GLDC: variants seen among roughly 807,000 people sequenced by gnomAD.
The protein encoded by GLDC is glycine decarboxylase, also known as glycine dehydrogenase (decarboxylating), mitochondrial.
A neutral mutation model predicts 121.3 loss-of-function variants in GLDC; 104 were observed. The observed-to-expected ratio is 0.86, with a 90% CI of 0.73 to 1.01. The LOEUF (loss-of-function observed/expected upper bound fraction) is 1.01, where lower values mean the gene tolerates loss of function less well. GLDC is among the 50% of genes least tolerant of loss of function. The pLI, the probability that GLDC is intolerant of heterozygous loss-of-function variation, is 0.00. For missense variants in GLDC, 1,429 were observed against 1,306.6 expected, an observed-to-expected ratio of 1.09 and a Z score of -1.44; for synonymous variants, 546 against 480.6, an observed-to-expected ratio of 1.14 and a Z score of -1.78.
chr9:6,586,612 T>C (rs1342675781), intron 15 of GLDC, among the ~76,000 whole-genome samples: 1 of 152,216 alleles, frequency 6.6e-6, no homozygotes, highest in Non-Finnish European at 1.5e-5. Context: ...CTTCTTCTTA[T>C]GCTGTGTCAC....
intron 15 of GLDC, among the ~76,000 whole-genome samples, chr9:6,581,794 A>G (rs543681109): frequency 2.6e-5 from 4 of 152,352 alleles, no homozygotes; most frequent in African/African-American, 7.2e-5. Context: ...ATGCTAGATA[A>G]GGTGCAAATC....
intron 2 of GLDC, among the ~76,000 whole-genome samples, chr9:6,629,263 G>A (rs568559676): frequency 1.3e-5 from 2 of 149,780 alleles, no homozygotes; most frequent in African/African-American, 4.9e-5. Flanking sequence ...TGCCCAGGTT[G>A]GAGTGCAATG....
intron 2 of GLDC, among the ~76,000 whole-genome samples, chr9:6,632,562 C>G (rs1421228968): frequency 6.6e-6 from 1 of 152,188 alleles, no homozygotes; most frequent in Non-Finnish European, 1.5e-5. Context: ...ATAACTGAGA[C>G]TTGTTTAAGC....
Position 6,629,929 on chromosome 9 carries a change from C to CCA in GLDC, c.335-9611_335-9610insTG. On this transcript the variant is annotated intron_variant, in intron 2 of 24. Coordinates refer to ENST00000321612, the MANE Select transcript of GLDC (RefSeq NM_000170.3). ...ATGTGGGAGGGAGGCTTGCTTTTCA[C>CCA]TATATATATATATATGTATATATAT... Among the ~76,000 whole-genome samples, 2 of 102,150 alleles carry CCA rather than the reference C, an allele frequency of 2.0e-5. 1 individual carries two copies. Among genetic ancestry groups the CCA allele is most frequent in the East Asian group, 5.3e-4 (2 of 3,756 alleles). 67.0% of individuals were successfully genotyped at this position (102,150 alleles called of 152,430 possible). A position where few individuals can be genotyped will look rare whatever the true frequency, so the allele number is the denominator to read the frequency against.
At chr9:6,618,600 C>T (rs1339356882) in intron 3 of GLDC, among the ~76,000 whole-genome samples, 3 of 152,180 alleles carry the variant, frequency 2.0e-5, no homozygotes, top group Non-Finnish European at 4.4e-5. Context: ...AGCCACCATG[C>T]CTGGCCTTTT....
At chr9:6,606,012 A>G (rs1387411395) in intron 5 of GLDC, 1 of 158,458 alleles carries the variant, frequency 6.3e-6, no homozygotes, top group African/African-American at 2.4e-5. Flanking sequence ...TTTCTACAAA[A>G]AGAAAACAAA....
At chr9:6,622,161 C>CAG (rs1819112630) in intron 2 of GLDC, among the ~76,000 whole-genome samples, 1 of 100,940 alleles carries the variant, frequency 9.9e-6, no homozygotes, top group Admixed American at 1.0e-4. Flanking sequence ...CACACACAGA[C>CAG]ACACACACAC....
intron 15 of GLDC, among the ~76,000 whole-genome samples, chr9:6,575,357 C>A (rs1371082292): frequency 6.6e-6 from 1 of 152,212 alleles, no homozygotes; most frequent in Non-Finnish European, 1.5e-5. Flanking sequence ...GCAGCCAGGT[C>A]CAAGAACCTC....
chr9:6,557,245 G>A (rs1161272059), intron 17 of GLDC, among the ~76,000 whole-genome samples: 1 of 151,924 alleles, frequency 6.6e-6, no homozygotes. Context: ...TACATTTGAT[G>A]TATAGAAACA....
intron 15 of GLDC, chr9:6,585,197 T>C (rs545707506): frequency 6.6e-6 from 1 of 152,328 alleles, no homozygotes; most frequent in African/African-American, 2.4e-5. Flanking sequence ...TTCCTGATTC[T>C]TAGGTCAGTC....
intron 16 of GLDC, among the ~76,000 whole-genome samples, chr9:6,563,272 T>C (rs932139315): frequency 2.0e-5 from 3 of 152,152 alleles, no homozygotes; most frequent in South Asian, 2.1e-4. Context: ...ATTGGGAAAT[T>C]TGGGAAATGG....
intron 21 of GLDC, among the ~76,000 whole-genome samples, chr9:6,544,036 T>G (rs558890754): frequency 6.6e-6 from 1 of 152,218 alleles, no homozygotes; most frequent in Non-Finnish European, 1.5e-5. Context: ...AAACCCTCCT[T>G]GAGAGAAGGG....
intron 8 of GLDC, among the ~76,000 whole-genome samples, chr9:6,599,814 C>T (rs1195562984): frequency 6.6e-6 from 1 of 152,050 alleles, no homozygotes; most frequent in East Asian, 1.9e-4. Flanking sequence ...ACCTTTCCTT[C>T]CTATCATACT....
chr9:6,574,279 C>T (rs1213043584), intron 15 of GLDC, among the ~76,000 whole-genome samples: 1 of 151,936 alleles, frequency 6.6e-6, no homozygotes, highest in African/African-American at 2.4e-5. Flanking sequence ...ACCAGCCTGG[C>T]CAACACAGTG....
At chr9:6,589,493 C>T (rs969572053) in intron 11 of GLDC, among the ~76,000 whole-genome samples, 3 of 152,254 alleles carry the variant, frequency 2.0e-5, no homozygotes, top group East Asian at 3.9e-4. Context: ...TGCAGTGGCA[C>T]GATCTCAACT....
At chr9:6,607,923 G>A (rs1415576409) in intron 4 of GLDC, among the ~76,000 whole-genome samples, 1 of 151,766 alleles carries the variant, frequency 6.6e-6, no homozygotes, top group Non-Finnish European at 1.5e-5. Context: ...AGGGGTTCAA[G>A]ACCAGCCTGG....
rs143088579 is a variant in GLDC, at chr9:6,541,552, T to C, written c.2570-1406A>G. The stretch of plus-strand genomic sequence containing the variant: ...CATGAAAGAGGTGGAGCTGGGCTCA[T>C]TGGCTCACACCTGTAATCCCAGCAC... On this transcript the variant is annotated intron_variant, in intron 21 of 24. Coordinates refer to ENST00000321612, the MANE Select transcript of GLDC (RefSeq NM_000170.3). 1,361 of 152,116 alleles carry C rather than the reference T, an allele frequency of 8.9e-3. 6 individuals are homozygous for C. The highest frequency in any genetic ancestry group is 0.016 in the Non-Finnish European group (1,098 of 67,992). 9.4% of individuals were successfully genotyped at this position (152,116 alleles called of 1,614,324 possible). A position where few individuals can be genotyped will look rare whatever the true frequency, so the allele number is the denominator to read the frequency against.
intron 16 of GLDC, among the ~76,000 whole-genome samples, chr9:6,562,459 T>C (rs1193297651): frequency 6.6e-6 from 1 of 152,192 alleles, no homozygotes; most frequent in Non-Finnish European, 1.5e-5. Context: ...GAATCTATTG[T>C]GTGGGAGCAG....
At chr9:6,631,838 A>AG (rs1231800600) in intron 2 of GLDC, among the ~76,000 whole-genome samples, 1 of 152,186 alleles carries the variant, frequency 6.6e-6, no homozygotes, top group African/African-American at 2.4e-5. Context: ...AGGCTAAGGG[A>AG]GGAGGATGTT....
Sources: allele counts gnomAD v4.1 joint callset (sites outside exome capture counted in the v4.1 genomes callset), GRCh38; gene constraint gnomAD v4.1.1; transcripts MANE v1.5; gene names NCBI Gene and HGNC (gene_info 2026-07-23, HGNC 2026-07-21).